Variants in MALT1 observed in about 807,000 individuals in gnomAD.
The protein encoded by MALT1 is mucosa-associated lymphoid tissue lymphoma translocation protein 1.
Under a neutral mutation model 85.5 loss-of-function variants are expected in MALT1, and 36 were observed. The observed-to-expected ratio is 0.42, with a 90% CI of 0.32 to 0.56. The LOEUF (loss-of-function observed/expected upper bound fraction) is 0.56. Ranked by LOEUF, MALT1 falls within the 20% of genes least tolerant of loss-of-function variation. MALT1 has a pLI of 0.10. For missense variants in MALT1, 716 were observed against 981.6 expected (o/e 0.73, Z 3.62); for synonymous variants, 359 against 361.3 (o/e 0.99, Z 0.07).
Position 58,750,107 on chromosome 18 carries a change from T to A in MALT1, c.*2265T>A. 5.4e-6 allele frequency: 1 copy of A among 185,716 alleles called. No individual in the cohort carries two copies. 11.5% of individuals were successfully genotyped at this position (185,716 alleles called of 1,614,324 possible). On this transcript the variant is annotated 3_prime_UTR_variant, in exon 17 of 17. Transcript: ENST00000649217. ...GTTGTATATAGAAAATGCTAAAGAA[T>A]CCATAAAAAGTAATAAATGAGTTCA... is the stretch of plus-strand genomic sequence containing the variant.
chr18:58,677,518 A>G (rs1228418400), intron 1 of MALT1: 1 of 152,164 alleles, frequency 6.6e-6, no homozygotes, highest in African/African-American at 2.4e-5. Flanking sequence ...AGGTTCTTTC[A>G]CTTGGGTATT....
rs1352416800 is a variant in MALT1, at chr18:58,744,387, A to G, written c.1803A>G (p.Gln601=). The G allele has an allele frequency of 8.7e-6, 14 of 1,611,096 alleles. No homozygotes were observed. The highest frequency in any genetic ancestry group is 3.3e-5 in the South Asian group (3 of 90,716). ...CLKFDCGVQI[Q]LGFAAEFSNV... ...AGTTTGACTGTGGTGTTCAGATTCA[A>G]TTAGGATTTGCAGCTGAGTTTTCCA... The change falls in exon 15 of 17, where the codon CAA becomes CAG. Residue 601 remains glutamine (Q), a synonymous_variant. Coordinates refer to ENST00000649217, the MANE Select transcript of MALT1 (RefSeq NM_006785.4).
intron 2 of MALT1, among the ~76,000 whole-genome samples, chr18:58,693,967 A>C (rs762035633): frequency 1.3e-5 from 2 of 152,202 alleles, no homozygotes; most frequent in Non-Finnish European, 2.9e-5. Context: ...TTGTGATGTA[A>C]AACTCTCCTG....
At chr18:58,736,272 T>C (rs991795330) in intron 13 of MALT1, among the ~76,000 whole-genome samples, 1 of 152,222 alleles carries the variant, frequency 6.6e-6, no homozygotes, top group African/African-American at 2.4e-5. Flanking sequence ...TTTTTATCTG[T>C]GTAGCTATTT....
intron 10 of MALT1, among the ~76,000 whole-genome samples, chr18:58,728,972 A>C (rs891580074): frequency 9.2e-5 from 14 of 152,312 alleles, no homozygotes; most frequent in Middle Eastern, 6.8e-3. Flanking sequence ...GTCTCTGAGT[A>C]ATACCAGTTG....
intron 10 of MALT1, among the ~76,000 whole-genome samples, chr18:58,729,588 T>A (rs1373123041): frequency 6.6e-6 from 1 of 151,466 alleles, no homozygotes; most frequent in Non-Finnish European, 1.5e-5. Context: ...TTTAAGCAAA[T>A]CATTTAATCT....
In MALT1 at chr18:58,671,804, G is replaced by A. The variant is rs2054165679; in HGVS notation, c.161G>A (p.Trp54Ter). 1 of 1,243,506 alleles carries A rather than the reference G, an allele frequency of 8.0e-7. No homozygotes were observed. Among genetic ancestry groups the A allele is most frequent in the Non-Finnish European group, 1.0e-6 (1 of 994,870 alleles). The allele number at this position is 1,243,506 out of a possible 1,614,324, so 77.0% of individuals were successfully genotyped here. A position where few individuals can be genotyped will look rare whatever the true frequency, so the allele number is the denominator to read the frequency against. The change falls in exon 1 of 17, where the codon TGG (tryptophan) becomes TAG (stop). Residue 54 changes from tryptophan to a stop codon, truncating the protein, a stop_gained. Transcript: ENST00000649217. LOFTEE classifies it high-confidence loss of function. ...LLDQAPEGRG[W>*]RRLAELAGSR... ...GATCAGGCGCCCGAGGGCCGGGGCT[G>A]GAGGAGACTGGCGGAGCTGGCGGGG...
At chr18:58,700,339 G>A in intron 3 of MALT1, 102 bp from the exon 4 acceptor site, 1 of 840,858 alleles carries the variant, frequency 1.2e-6, no homozygotes, top group Non-Finnish European at 1.7e-6. Flanking sequence ...GAAAAATGTT[G>A]CACTTTCAAA....
chr18:58,698,035 G>T (rs1008111398), intron 3 of MALT1, among the ~76,000 whole-genome samples: 8 of 47,518 alleles, frequency 1.7e-4, no homozygotes, highest in Non-Finnish European at 2.9e-4. Context: ...GATTCGTGGG[G>T]TTTTTTGTTG....
rs187471823 is a variant in MALT1, at chr18:58,752,328, C to A, written c.*4486C>A. On this transcript the variant is annotated 3_prime_UTR_variant, in exon 17 of 17. Transcript: ENST00000649217. ...TAAGGGTTTTTTTCCAAACAGACGT[C>A]CTGACAATGTTGTTTCCTATTCCTT... is the stretch of plus-strand genomic sequence containing the variant. 6.6e-6 allele frequency: 1 copy of A among 152,210 alleles called. No homozygotes were observed. The highest frequency in any genetic ancestry group is 1.5e-5 in the Non-Finnish European group (1 of 68,016). 9.4% of individuals were successfully genotyped at this position (152,210 alleles called of 1,614,324 possible). A position where few individuals can be genotyped will look rare whatever the true frequency, so the allele number is the denominator to read the frequency against.
At chr18:58,734,150 G>C in intron 11 of MALT1, 157 bp from the exon 12 acceptor site, 1 of 1,217,868 alleles carries the variant, frequency 8.2e-7, no homozygotes, top group Non-Finnish European at 1.1e-6. Flanking sequence ...GGTTATTTTG[G>C]GTAGATATGT....
At chr18:58,688,299 T>TAC (rs34923643) in intron 2 of MALT1, among the ~76,000 whole-genome samples, 31,790 of 139,488 alleles carry the variant, frequency 0.23, 3,465 homozygotes, top group East Asian at 0.33. Context: ...ATATATATGT[T>TAC]ACACACACAC....
At chr18:58,740,629 C>A (rs1436233464) in intron 13 of MALT1, among the ~76,000 whole-genome samples, 1 of 151,554 alleles carries the variant, frequency 6.6e-6, no homozygotes, top group African/African-American at 2.4e-5. Flanking sequence ...GAATAATAGT[C>A]TGTCTAATTG....
intron 13 of MALT1, among the ~76,000 whole-genome samples, chr18:58,738,777 T>G (rs528373508): frequency 3.4e-5 from 4 of 117,570 alleles, no homozygotes; most frequent in African/African-American, 1.3e-4. Flanking sequence ...TTTATGTCAT[T>G]TGTGCATTCT....
Position 58,710,073 on chromosome 18 carries a change from G to A in MALT1, c.925+1G>A. 2 of 1,587,946 alleles carry A rather than the reference G, an allele frequency of 1.3e-6. No individual in the cohort carries two copies. The highest frequency in any genetic ancestry group is 1.7e-6 in the Non-Finnish European group (2 of 1,157,302). ...AGCAAGAAGGTAGAAATCATCATAG[G>A]TAAGAAGTATTTCCCCAGTGTTCTG... is the stretch of plus-strand genomic sequence containing the variant. On this transcript the variant is annotated splice_donor_variant, in intron 6 of 16. Coordinates refer to ENST00000649217, the MANE Select transcript of MALT1 (RefSeq NM_006785.4). LOFTEE classifies it high-confidence loss of function.
intron 10 of MALT1, among the ~76,000 whole-genome samples, chr18:58,731,206 G>A (rs1216622992): frequency 6.6e-6 from 1 of 152,166 alleles, no homozygotes; most frequent in Non-Finnish European, 1.5e-5. Context: ...ACCCACCTTG[G>A]CCTCCCAAAG....
Position 58,671,550 on chromosome 18 carries a change from C to T in MALT1, c.-94C>T, listed in dbSNP as rs2054158869. ...CAGATTTGTTCTTCCGCCCCTGCCT[C>T]CGCGGCTCGGAGGCGAGCGGAAGGT... On this transcript the variant is annotated 5_prime_UTR_variant, in exon 1 of 17. Coordinates refer to ENST00000649217, the MANE Select transcript of MALT1 (RefSeq NM_006785.4). 1.2e-6 allele frequency: 1 copy of T among 827,176 alleles called. No homozygotes were observed. Among genetic ancestry groups the T allele is most frequent in the African/African-American group, 1.8e-5 (1 of 55,984 alleles). 51.2% of individuals were successfully genotyped at this position (827,176 alleles called of 1,614,324 possible).
Position 58,748,391 on chromosome 18 carries a change from TAA to T in MALT1, c.*551_*552del, listed in dbSNP as rs201212523. 3.3e-4 allele frequency: 59 copies of T among 177,914 alleles called. No homozygotes were observed. Among genetic ancestry groups the T allele is most frequent in the East Asian group, 6.6e-4 (7 of 10,664 alleles). The allele number at this position is 177,914 out of a possible 1,614,324, so 11.0% of individuals were successfully genotyped here. ...AGAGTGAAATATATTTATATATATA[TAA>T]ATATATACAGATACATATCTGTGTA... is the stretch of plus-strand genomic sequence containing the variant. On this transcript the variant is annotated 3_prime_UTR_variant, in exon 17 of 17. Transcript: ENST00000649217.
intron 13 of MALT1, chr18:58,741,341 AAAT>A (rs978937922): frequency 6.6e-6 from 1 of 151,760 alleles, no homozygotes; most frequent in African/African-American, 2.4e-5. Flanking sequence ...CTTCTCTAAC[AAAT>A]AATAATTTTA....
Sources: allele counts gnomAD v4.1 joint callset (sites outside exome capture counted in the v4.1 genomes callset), GRCh38; gene constraint gnomAD v4.1.1; transcripts MANE v1.5; gene names NCBI Gene and HGNC (gene_info 2026-07-23, HGNC 2026-07-21).